The following OCLN variants were observed in gnomAD, a reference collection of about 807,000 sequenced individuals.
OCLN encodes phosphatase 1, regulatory subunit 115.
A neutral mutation model predicts 47.9 loss-of-function variants in OCLN; 21 were observed. The observed-to-expected ratio is 0.44, with a 90% CI of 0.31 to 0.63. The LOEUF (loss-of-function observed/expected upper bound fraction) is 0.63, where lower values mean the gene tolerates loss of function less well. OCLN is among the 30% of genes least tolerant of loss of function. OCLN has a pLI of 0.08. For synonymous variants in OCLN, 117 were observed against 198.4 expected, an observed-to-expected ratio of 0.59 and a Z score of 3.45; for missense variants, 360 against 571.0, an observed-to-expected ratio of 0.63 and a Z score of 3.77.
chr5:69,505,174 C>T (rs545024952), intron 2 of OCLN, among the ~76,000 whole-genome samples: 1 of 152,188 alleles, frequency 6.6e-6, no homozygotes, highest in East Asian at 1.9e-4. Context: ...CGCTTGAACC[C>T]AGGAGGCGGA....
At chr5:69,532,693 C>T (rs188482912) in intron 4 of OCLN, among the ~76,000 whole-genome samples, 138 of 152,046 alleles carry the variant, frequency 9.1e-4, no homozygotes, top group Non-Finnish European at 1.7e-3. Flanking sequence ...AGTGGCCGGG[C>T]GTGGTGGCTC....
At chr5:69,532,284 G>A (rs1187364659) in intron 4 of OCLN, among the ~76,000 whole-genome samples, 1 of 152,124 alleles carries the variant, frequency 6.6e-6, no homozygotes, top group Non-Finnish European at 1.5e-5. Context: ...ACCCAGGCTG[G>A]AGTGCAGTGG....
At chr5:69,504,103 G>A (rs1768530393) in intron 1 of OCLN, 74 bp from the exon 2 acceptor site, 5 of 700,502 alleles carry the variant, frequency 7.1e-6, no homozygotes, top group African/African-American at 1.8e-5. Context: ...CTGTCTCGGG[G>A]TGGGGGTGGG....
intron 4 of OCLN, among the ~76,000 whole-genome samples, chr5:69,520,021 C>T (rs1411825401): frequency 6.6e-6 from 1 of 152,158 alleles, no homozygotes; most frequent in Middle Eastern, 3.2e-3. Context: ...TGCGATGGCA[C>T]GATCTCAGCT....
intron 4 of OCLN, among the ~76,000 whole-genome samples, chr5:69,527,954 C>T (rs1769327151): frequency 2.0e-5 from 3 of 152,074 alleles, no homozygotes; most frequent in South Asian, 4.2e-4. Context: ...CTTTGGACAG[C>T]GTGCAGTTGG....
At chr5:69,507,093 A>T (rs1768628057) in intron 2 of OCLN, among the ~76,000 whole-genome samples, 1 of 152,160 alleles carries the variant, frequency 6.6e-6, no homozygotes, top group Non-Finnish European at 1.5e-5. Context: ...TTATCATTTT[A>T]TCATCTTGTA....
chr5:69,523,045 T>C (rs1345193012), intron 4 of OCLN, among the ~76,000 whole-genome samples: 38 of 152,110 alleles, frequency 2.5e-4, no homozygotes, highest in Non-Finnish European at 5.9e-5. Flanking sequence ...TTGTCCCTAT[T>C]GTTAACATCC....
intron 4 of OCLN, among the ~76,000 whole-genome samples, chr5:69,525,116 T>A (rs184749959): frequency 6.6e-6 from 1 of 152,060 alleles, no homozygotes; most frequent in Non-Finnish European, 1.5e-5. Flanking sequence ...CTTTTCTTTT[T>A]TTTTTTGAGA....
chr5:69,537,189 C>CTTTTTTT (rs1157355945), intron 5 of OCLN, among the ~76,000 whole-genome samples: 4 of 80,560 alleles, frequency 5.0e-5, no homozygotes, highest in Non-Finnish European at 9.7e-5. Flanking sequence ...ATTCTATAAG[C>CTTTTTTT]TTTTTTTTTT....
chr5:69,516,429 T>A (rs1216345028), intron 4 of OCLN, among the ~76,000 whole-genome samples: 2 of 151,952 alleles, frequency 1.3e-5, no homozygotes, highest in African/African-American at 4.8e-5. Flanking sequence ...GAGGCTGCAG[T>A]GAGCCGAGAT....
At chr5:69,503,090 A>C (rs149251521) in intron 1 of OCLN, among the ~76,000 whole-genome samples, 3 of 152,276 alleles carry the variant, frequency 2.0e-5, no homozygotes, top group Non-Finnish European at 2.9e-5. Context: ...TTGAGGATGA[A>C]AGGAGGTTTT....
At chr5:69,508,702 G>T (rs538521651) in intron 2 of OCLN, among the ~76,000 whole-genome samples, 11 of 152,288 alleles carry the variant, frequency 7.2e-5, no homozygotes, top group African/African-American at 1.2e-4. Flanking sequence ...ACATTGGACA[G>T]TATAGCTATG....
chr5:69,516,146 G>A (rs949210568), intron 4 of OCLN, among the ~76,000 whole-genome samples: 7 of 151,876 alleles, frequency 4.6e-5, no homozygotes, highest in African/African-American at 7.2e-5. Context: ...CAAGGCAGGC[G>A]GCTGGGAGGT....
chr5:69,528,185 A>C (rs1263460871), intron 4 of OCLN, among the ~76,000 whole-genome samples: 1 of 152,116 alleles, frequency 6.6e-6, no homozygotes. Context: ...ATATCAAAAA[A>C]CAGGAAAAAC....
intron 3 of OCLN, among the ~76,000 whole-genome samples, chr5:69,511,625 G>A (rs1188932351): frequency 2.0e-5 from 3 of 151,892 alleles, no homozygotes; most frequent in South Asian, 2.1e-4. Context: ...TTTGTTGCCC[G>A]GTCTGGGCTG....
At chr5:69,519,217 G>T (rs570104879) in intron 4 of OCLN, among the ~76,000 whole-genome samples, 1 of 152,080 alleles carries the variant, frequency 6.6e-6, no homozygotes, top group African/African-American at 2.4e-5. Flanking sequence ...GATTGGGGTC[G>T]GTCTAGAATT....
intron 4 of OCLN, among the ~76,000 whole-genome samples, chr5:69,516,379 C>A (rs1768970145): frequency 6.6e-6 from 1 of 152,122 alleles, no homozygotes; most frequent in Admixed American, 6.5e-5. Flanking sequence ...CGCCTGCAAT[C>A]GCAGGCACTC....
intron 4 of OCLN, among the ~76,000 whole-genome samples, chr5:69,523,918 G>T (rs1327558436): frequency 2.0e-5 from 3 of 152,168 alleles, no homozygotes; most frequent in South Asian, 2.1e-4. Flanking sequence ...GGAGACCAAG[G>T]TGCGTAGATC....
Position 69,509,755 on chromosome 5 carries a change from C to G in OCLN, c.665C>G (p.Pro222Arg). The G allele has an allele frequency of 6.2e-7, 1 of 1,614,092 alleles. No individual in the cohort carries two copies. Among genetic ancestry groups the G allele is most frequent in the Non-Finnish European group, 8.5e-7 (1 of 1,179,958 alleles). ...GCCCTCTGCAACCAATTTTATACAC[C>G]TGCAGCTACTGGACTCTACGTGGAT... ...IYALCNQFYT[P>R]AATGLYVDQY... The change falls in exon 3 of 9, where the codon CCT becomes CGT. Residue 222 changes from proline to arginine, a missense_variant. Physicochemically the swap from Pro to Arg is moderately radical, Grantham distance 103. Coordinates refer to ENST00000396442, the MANE Select transcript of OCLN (RefSeq NM_001205254.2).
Sources: allele counts gnomAD v4.1 joint callset (sites outside exome capture counted in the v4.1 genomes callset), GRCh38; gene constraint gnomAD v4.1.1; transcripts MANE v1.5; gene names NCBI Gene and HGNC (gene_info 2026-07-23, HGNC 2026-07-21).